The following PARN variants were observed in gnomAD, a reference collection of about 807,000 sequenced individuals.
PARN encodes poly(A)-specific ribonuclease.
In PARN, 71 loss-of-function variants were observed where a neutral mutation model predicts 102.8. The observed-to-expected ratio is 0.69, with a 90% confidence interval of 0.57 to 0.84. The LOEUF (loss-of-function observed/expected upper bound fraction) is 0.84, where lower values mean the gene tolerates loss of function less well. Among genes scored for constraint, PARN ranks in the 40% least tolerant of loss-of-function variants. The pLI, the probability that PARN is intolerant of heterozygous loss-of-function variation, is 0.00. For missense variants in PARN, 782 were observed against 760.9 expected, an observed-to-expected ratio of 1.03 and a Z score of -0.33; for synonymous variants, 261 against 252.9, an observed-to-expected ratio of 1.03 and a Z score of -0.30.
intron 22 of PARN, among the ~76,000 whole-genome samples, chr16:14,456,176 T>C (rs1273008814): frequency 6.6e-6 from 1 of 152,008 alleles, no homozygotes; most frequent in African/African-American, 2.4e-5. Context: ...TTTTCTTTTT[T>C]TTTTTTTTAA....
chr16:14,552,332 T>C (rs909323460), intron 20 of PARN, among the ~76,000 whole-genome samples: 2 of 152,174 alleles, frequency 1.3e-5, no homozygotes, highest in African/African-American at 4.8e-5. Flanking sequence ...AAGACGCTAT[T>C]AGAAATTTAA....
intron 21 of PARN, among the ~76,000 whole-genome samples, chr16:14,506,807 A>G (rs1340352162): frequency 1.3e-5 from 2 of 152,090 alleles, no homozygotes; most frequent in African/African-American, 2.4e-5. Flanking sequence ...CTTGGCCAAT[A>G]TAGTGAGATC....
chr16:14,485,743 A>G (rs1002333972), intron 21 of PARN, among the ~76,000 whole-genome samples: 1 of 151,892 alleles, frequency 6.6e-6, no homozygotes, highest in Non-Finnish European at 1.5e-5. Flanking sequence ...GCTGGAGTAT[A>G]GTGGCGCCAT....
chr16:14,531,726 C>T (rs1966340013), intron 21 of PARN, among the ~76,000 whole-genome samples: 1 of 151,608 alleles, frequency 6.6e-6, no homozygotes, highest in Non-Finnish European at 1.5e-5. Flanking sequence ...GGGTGCCCCC[C>T]CAGACAACAA....
chr16:14,467,674 G>A lies in PARN; in HGVS notation c.1670+14964C>T, dbSNP rs187698786. 1.3e-3 allele frequency among the ~76,000 whole-genome samples: 199 copies of A among 152,196 alleles called. 1 individual carries two copies. Among genetic ancestry groups the A allele is most frequent in the Non-Finnish European group, 1.0e-3 (71 of 68,006 alleles). On this transcript the variant is annotated intron_variant, in intron 22 of 23. Coordinates refer to ENST00000437198, the MANE Select transcript of PARN (RefSeq NM_002582.4). ...AAGTCTTCAGACCTAATATTCCAAG[G>A]CATGTACATACTCCTACCTTCAGGT... is the stretch of plus-strand genomic sequence containing the variant.
intron 14 of PARN, among the ~76,000 whole-genome samples, chr16:14,585,974 A>T (rs1427307035): frequency 6.7e-6 from 1 of 150,254 alleles, no homozygotes; most frequent in East Asian, 1.9e-4. Flanking sequence ...GTATGTCACA[A>T]TGACTCTTTT....
chr16:14,481,711 G>A (rs1963393622), intron 22 of PARN, among the ~76,000 whole-genome samples: 1 of 152,118 alleles, frequency 6.6e-6, no homozygotes, highest in Non-Finnish European at 1.5e-5. Context: ...TTGCTTCTGG[G>A]TGTTGGGATT....
At chr16:14,603,087 A>AT (rs1442561332) in intron 11 of PARN, among the ~76,000 whole-genome samples, 1 of 151,604 alleles carries the variant, frequency 6.6e-6, no homozygotes, top group African/African-American at 2.4e-5. Flanking sequence ...CACCTGGATA[A>AT]TTTTTTTTGT....
chr16:14,513,667 G>A (rs752224748), intron 21 of PARN, among the ~76,000 whole-genome samples: 38 of 152,082 alleles, frequency 2.5e-4, no homozygotes, highest in Non-Finnish European at 5.0e-4. Flanking sequence ...GGAACCTGTC[G>A]GCCCTTCTCC....
chr16:14,517,495 G>T (rs1596555818), intron 21 of PARN, among the ~76,000 whole-genome samples: 1 of 152,248 alleles, frequency 6.6e-6, no homozygotes, highest in South Asian at 2.1e-4. Flanking sequence ...ATGGAATTAT[G>T]GGAAACAGGT....
At chr16:14,496,517 AG>A in intron 21 of PARN, among the ~76,000 whole-genome samples, 1 of 152,360 alleles carries the variant, frequency 6.6e-6, no homozygotes, top group South Asian at 2.1e-4. Flanking sequence ...AACAGTCTTG[AG>A]GAAGTTGACA....
chr16:14,446,175 T>C (rs1293730221), intron 23 of PARN, among the ~76,000 whole-genome samples: 1 of 152,156 alleles, frequency 6.6e-6, no homozygotes, highest in East Asian at 1.9e-4. Context: ...CTGTGTGGCA[T>C]GTGTGCATGA....
At chr16:14,593,233 T>C in intron 13 of PARN, 68 bp downstream of exon 13, 1 of 858,132 alleles carries the variant, frequency 1.2e-6, no homozygotes. Flanking sequence ...GTTAAAAGCA[T>C]CATAATAATA....
At chr16:14,581,567 A>G (rs1969535617) in intron 17 of PARN, among the ~76,000 whole-genome samples, 1 of 152,038 alleles carries the variant, frequency 6.6e-6, no homozygotes, top group Non-Finnish European at 1.5e-5. Context: ...GTACGATGGT[A>G]TTTGGAAGTG....
At chr16:14,482,948 C>A (rs1596486384) in intron 21 of PARN, 121 bp from the exon 22 acceptor site, 1 of 674,920 alleles carries the variant, frequency 1.5e-6, no homozygotes, top group Admixed American at 3.5e-5. Context: ...AGGTCTGACC[C>A]TTGGCTCTGC....
At chr16:14,453,591 C>T (rs1272717114) in intron 22 of PARN, among the ~76,000 whole-genome samples, 1 of 152,234 alleles carries the variant, frequency 6.6e-6, no homozygotes, top group Non-Finnish European at 1.5e-5. Flanking sequence ...CCTCGTGTCA[C>T]TCTGCACTCA....
At chr16:14,451,097 A>G (rs997966463) in intron 22 of PARN, among the ~76,000 whole-genome samples, 1 of 152,180 alleles carries the variant, frequency 6.6e-6, no homozygotes, top group Non-Finnish European at 1.5e-5. Context: ...AGCTGCAGAG[A>G]CTATATAGGT....
At chr16:14,598,745 C>A (rs1272622599) in intron 12 of PARN, among the ~76,000 whole-genome samples, 1 of 152,136 alleles carries the variant, frequency 6.6e-6, no homozygotes, top group Non-Finnish European at 1.5e-5. Flanking sequence ...TCTGTTTATC[C>A]CGGAATGAGG....
Position 14,506,068 on chromosome 16 carries a change from T to C in PARN, c.1481-23241A>G, listed in dbSNP as rs371340926. On this transcript the variant is annotated intron_variant, in intron 21 of 23. Coordinates refer to ENST00000437198, the MANE Select transcript of PARN (RefSeq NM_002582.4). ...GCAATAAGGGAACAAACTGATACCATGTGCCTCTCAGTGTGATGCACTGAA... is the reference window on the plus strand; with the variant it reads ...GCAATAAGGGAACAAACTGATACCACGTGCCTCTCAGTGTGATGCACTGAA... 1.3e-4 allele frequency among the ~76,000 whole-genome samples: 20 copies of C among 152,358 alleles called. No individual in the cohort carries two copies. The South Asian group carries it at 4.1e-3, about 32-fold the overall frequency.
Sources: allele counts gnomAD v4.1 joint callset (sites outside exome capture counted in the v4.1 genomes callset), GRCh38; gene constraint gnomAD v4.1.1; transcripts MANE v1.5; gene names NCBI Gene and HGNC (gene_info 2026-07-23, HGNC 2026-07-21).